Variants in ZNF804A observed in about 807,000 individuals in gnomAD.
ZNF804A encodes zinc finger protein 804A.
ZNF804A carries 2 observed loss-of-function variants against 16.5 expected under a neutral mutation model. That is an observed-to-expected ratio of 0.12 (90% confidence interval 0.05 to 0.38). The LOEUF (loss-of-function observed/expected upper bound fraction) is 0.38, where lower values mean the gene tolerates loss of function less well. Among genes scored for constraint, ZNF804A ranks in the 10% least tolerant of loss-of-function variants. The pLI is 0.99. For missense variants in ZNF804A, 1,473 were observed against 1,390.7 expected, an observed-to-expected ratio of 1.06 and a Z score of -0.94; for synonymous variants, 534 against 489.6, an observed-to-expected ratio of 1.09 and a Z score of -1.20.
chr2:184,795,231 A>G (rs2105780370), intron 1 of ZNF804A, among the ~76,000 whole-genome samples: 1 of 152,312 alleles, frequency 6.6e-6, no homozygotes, highest in Non-Finnish European at 1.5e-5. Context: ...CTCCCAGACG[A>G]CAGTGGAATA....
chr2:184,813,028 T>G (rs1027315653), intron 1 of ZNF804A, among the ~76,000 whole-genome samples: 9 of 152,092 alleles, frequency 5.9e-5, no homozygotes, highest in Non-Finnish European at 2.9e-5. Context: ...AAGCTGCTTG[T>G]TTGTGTTATA....
At chr2:184,770,001 A>T (rs1694187397) in intron 1 of ZNF804A, among the ~76,000 whole-genome samples, 1 of 152,116 alleles carries the variant, frequency 6.6e-6, no homozygotes, top group African/African-American at 2.4e-5. Flanking sequence ...TATAATTTTG[A>T]GTTTCGAAGA....
At chr2:184,850,414 T>A (rs1279656424) in intron 1 of ZNF804A, among the ~76,000 whole-genome samples, 1 of 151,876 alleles carries the variant, frequency 6.6e-6, no homozygotes, top group African/African-American at 2.4e-5. Flanking sequence ...CTCAATCAGT[T>A]AAGCAACGAG....
At chr2:184,743,591 A>G (rs1333900286) in intron 1 of ZNF804A, among the ~76,000 whole-genome samples, 2 of 152,106 alleles carry the variant, frequency 1.3e-5, no homozygotes, top group Admixed American at 6.6e-5. Context: ...ATGAAACTGC[A>G]TACGTGGAAT....
rs1194578084 is a variant in ZNF804A at position 184,939,217 on chromosome 2, T to C, written c.*191T>C. On this transcript the variant is annotated 3_prime_UTR_variant, in exon 4 of 4. Coordinates refer to ENST00000302277, the MANE Select transcript of ZNF804A (RefSeq NM_194250.2). The stretch of plus-strand genomic sequence containing the variant: ...TCCCTAAGTTTCTGATATATAATAT[T>C]ATTAAAGCACTGAATAGTTTGAAAA... 2 of 613,246 alleles carry C rather than the reference T, an allele frequency of 3.3e-6. No homozygotes were observed. Among genetic ancestry groups the C allele is most frequent in the Admixed American group, 6.3e-5 (2 of 31,872 alleles). The allele number at this position is 613,246 out of a possible 1,614,324, so 38.0% of individuals were successfully genotyped here.
intron 2 of ZNF804A, among the ~76,000 whole-genome samples, chr2:184,918,568 C>T (rs1559002387): frequency 6.6e-6 from 1 of 152,090 alleles, no homozygotes. Flanking sequence ...CCTGGTATTG[C>T]CACCTGGCTG....
intron 1 of ZNF804A, among the ~76,000 whole-genome samples, chr2:184,669,840 T>C (rs1244209889): frequency 1.3e-5 from 2 of 152,028 alleles, no homozygotes; most frequent in Non-Finnish European, 2.9e-5. Context: ...TAATAATTTG[T>C]GTTATTTTTA....
chr2:184,861,033 C>T (rs960841566), intron 1 of ZNF804A, among the ~76,000 whole-genome samples: 25 of 152,276 alleles, frequency 1.6e-4, no homozygotes, highest in Non-Finnish European at 2.8e-4. Flanking sequence ...GTTGCTCAGG[C>T]CTGGAGCCTA....
chr2:184,607,023 A>G (rs2105668735), intron 1 of ZNF804A, among the ~76,000 whole-genome samples: 1 of 152,354 alleles, frequency 6.6e-6, no homozygotes, highest in Non-Finnish European at 1.5e-5. Context: ...TGATAACTAT[A>G]TAGGTTTAAA....
At chr2:184,736,700 AAATT>A (rs1224858213) in intron 1 of ZNF804A, among the ~76,000 whole-genome samples, 1 of 126,834 alleles carries the variant, frequency 7.9e-6, no homozygotes, top group African/African-American at 4.5e-5. Context: ...TCCCGAACTT[AAATT>A]AAAAAAAGAA....
chr2:184,915,874 A>C (rs1685441723), intron 2 of ZNF804A, among the ~76,000 whole-genome samples: 1 of 152,172 alleles, frequency 6.6e-6, no homozygotes, highest in African/African-American at 2.4e-5. Flanking sequence ...GGAAATTTTA[A>C]AGAGTCTTCC....
intron 1 of ZNF804A, among the ~76,000 whole-genome samples, chr2:184,702,423 C>T (rs1390421819): frequency 6.6e-6 from 1 of 152,068 alleles, no homozygotes; most frequent in Non-Finnish European, 1.5e-5. Flanking sequence ...AAACCTAATT[C>T]ATCAGTTTCT....
At chr2:184,864,695 C>A (rs1695848625) in intron 1 of ZNF804A, among the ~76,000 whole-genome samples, 1 of 152,018 alleles carries the variant, frequency 6.6e-6, no homozygotes, top group South Asian at 2.1e-4. Context: ...AACCACTTTT[C>A]AGTATTGTAG....
chr2:184,714,174 A>G (rs1693178568), intron 1 of ZNF804A, among the ~76,000 whole-genome samples: 1 of 152,022 alleles, frequency 6.6e-6, no homozygotes, highest in Non-Finnish European at 1.5e-5. Context: ...TCTGCTTCAA[A>G]TGGTTCCTAA....
chr2:184,632,727 A>C (rs1377672035), intron 1 of ZNF804A, among the ~76,000 whole-genome samples: 1 of 152,198 alleles, frequency 6.6e-6, no homozygotes. Flanking sequence ...TGGCTTAACT[A>C]TCTTATATTC....
At chr2:184,694,113 T>TC (rs1352220129) in intron 1 of ZNF804A, among the ~76,000 whole-genome samples, 6 of 151,556 alleles carry the variant, frequency 4.0e-5, no homozygotes, top group African/African-American at 1.5e-4. Context: ...TTTACTTTTT[T>TC]TTTTTTTGTA....
At chr2:184,856,261 C>T (rs943755518) in intron 1 of ZNF804A, among the ~76,000 whole-genome samples, 10 of 151,772 alleles carry the variant, frequency 6.6e-5, no homozygotes, top group South Asian at 4.2e-4. Flanking sequence ...CTGGAGGAAA[C>T]ATTTTAAAAA....
intron 2 of ZNF804A, among the ~76,000 whole-genome samples, chr2:184,872,503 AT>A (rs761504699): frequency 7.2e-5 from 11 of 152,178 alleles, no homozygotes; most frequent in Non-Finnish European, 1.3e-4. Context: ...ACAAAATTAA[AT>A]ACCAATGAGA....
At chr2:184,827,895 A>C (rs561167976) in intron 1 of ZNF804A, among the ~76,000 whole-genome samples, 4 of 151,880 alleles carry the variant, frequency 2.6e-5, no homozygotes, top group African/African-American at 9.6e-5. Context: ...ATCTTTAAAA[A>C]ATTTTTGTTT....
Sources: allele counts gnomAD v4.1 joint callset (sites outside exome capture counted in the v4.1 genomes callset), GRCh38; gene constraint gnomAD v4.1.1; transcripts MANE v1.5; gene names NCBI Gene and HGNC (gene_info 2026-07-23, HGNC 2026-07-21).